The following SLX4IP variants were observed in gnomAD, a reference collection of about 807,000 sequenced individuals.
SLX4IP encodes protein SLX4IP.
In SLX4IP, 34 loss-of-function variants were observed where a neutral mutation model predicts 32.9. The ratio of observed to expected loss-of-function variants is 1.03; its 90% CI spans 0.79 to 1.38. The LOEUF is 1.38. Ranked by LOEUF, SLX4IP falls within the 40% of genes most tolerant of loss-of-function variation. The probability of loss-of-function intolerance (pLI) is 0.00; values close to 1 mark genes in which losing one functional copy is unlikely to be tolerated. For missense variants in SLX4IP, 444 were observed against 479.0 expected, an observed-to-expected ratio of 0.93 and a Z score of 0.68; for synonymous variants, 172 against 171.7, an observed-to-expected ratio of 1.00 and a Z score of -0.01.
chr20:10,454,144 C>T (rs1203766998), intron 1 of SLX4IP, among the ~76,000 whole-genome samples: 2 of 152,042 alleles, frequency 1.3e-5, no homozygotes, highest in Non-Finnish European at 2.9e-5. Flanking sequence ...ATAATTTAAT[C>T]TTGCCTTAGG....
intron 7 of SLX4IP, among the ~76,000 whole-genome samples, chr20:10,621,636 T>A (rs1247991244): frequency 1.3e-5 from 2 of 152,156 alleles, no homozygotes; most frequent in Non-Finnish European, 2.9e-5. Context: ...GACACGTTCT[T>A]TGAAGATGAA....
intron 1 of SLX4IP, among the ~76,000 whole-genome samples, chr20:10,443,538 A>T (rs1600875932): frequency 6.6e-6 from 1 of 152,208 alleles, no homozygotes; most frequent in African/African-American, 2.4e-5. Flanking sequence ...AGGAGAGGAC[A>T]TTCCACAGTG....
intron 2 of SLX4IP, among the ~76,000 whole-genome samples, chr20:10,550,877 C>G (rs368040750): frequency 1.1e-4 from 16 of 152,324 alleles, no homozygotes; most frequent in African/African-American, 3.4e-4. Flanking sequence ...TCACTCCGCT[C>G]CCTCTGGTAC....
rs200301106 is a variant in SLX4IP at position 10,613,788 on chromosome 20, A to T, written c.406-7526A>T. The T allele has an allele frequency of 4.7e-4, 765 of 1,613,652 alleles. 1 individual carries two copies. Among genetic ancestry groups the T allele is most frequent in the Non-Finnish European group, 5.0e-4 (584 of 1,179,684 alleles). On this transcript the variant is annotated intron_variant, in intron 6 of 7. Transcript: ENST00000334534. ...CTGCACGCAAAGCACAGACTCCATG[A>T]TCTGATCCATGTCACCCTTGAAGTC...
chr20:10,592,622 CTTTTTTTTTTTTTTTT>C (rs33995611), intron 4 of SLX4IP, among the ~76,000 whole-genome samples: 5 of 55,136 alleles, frequency 9.1e-5, no homozygotes, highest in Non-Finnish European at 1.5e-4. Flanking sequence ...TATTCTTCAT[CTTTTTTTTTTTTTTTT>C]TTTTTTTTTT....
chr20:10,471,644 C>T (rs1034333046), intron 2 of SLX4IP, among the ~76,000 whole-genome samples: 2 of 152,312 alleles, frequency 1.3e-5, no homozygotes, highest in African/African-American at 4.8e-5. Flanking sequence ...AGGGGCAAGT[C>T]AGCTAGCCTC....
chr20:10,520,302 A>G (rs931843466), intron 2 of SLX4IP, among the ~76,000 whole-genome samples: 1 of 151,982 alleles, frequency 6.6e-6, no homozygotes, highest in African/African-American at 2.4e-5. Flanking sequence ...CGCCCGCCTC[A>G]GCCTCCCAAA....
intron 2 of SLX4IP, among the ~76,000 whole-genome samples, chr20:10,508,585 A>G (rs1324935411): frequency 2.0e-5 from 3 of 152,114 alleles, no homozygotes; most frequent in African/African-American, 4.8e-5. Flanking sequence ...ATATCCATTC[A>G]TGCTCCCGGG....
rs935351102 is a variant in SLX4IP, at chr20:10,566,583, A to G, written c.238+5763A>G. 5.3e-5 allele frequency among the ~76,000 whole-genome samples: 8 copies of G among 152,120 alleles called. No individual in the cohort carries two copies. The East Asian group carries it at 1.2e-3, about 22-fold the overall frequency. ...ACCATGTATCTGGCCAAGGTAGCAC[A>G]TGTTCTGCTGGTCGGAGCCTATATT... On this transcript the variant is annotated intron_variant, in intron 4 of 7. Transcript: ENST00000334534.
intron 2 of SLX4IP, among the ~76,000 whole-genome samples, chr20:10,538,150 C>T (rs2066065907): frequency 6.6e-6 from 1 of 152,166 alleles, no homozygotes; most frequent in South Asian, 2.1e-4. Context: ...GGATGAGCAG[C>T]ATCCACACTC....
At chr20:10,520,297 G>A (rs1463623556) in intron 2 of SLX4IP, among the ~76,000 whole-genome samples, 2 of 151,954 alleles carry the variant, frequency 1.3e-5, no homozygotes, top group Non-Finnish European at 1.5e-5. Flanking sequence ...TGATCCGCCC[G>A]CCTCAGCCTC....
At chr20:10,445,038 TC>T (rs2065190481) in intron 1 of SLX4IP, among the ~76,000 whole-genome samples, 1 of 152,184 alleles carries the variant, frequency 6.6e-6, no homozygotes, top group African/African-American at 2.4e-5. Context: ...AGATTCTCCG[TC>T]AATTCTTCTG....
intron 4 of SLX4IP, among the ~76,000 whole-genome samples, chr20:10,572,871 G>A (rs930291460): frequency 6.6e-6 from 1 of 152,080 alleles, no homozygotes; most frequent in Non-Finnish European, 1.5e-5. Flanking sequence ...CTCTCTCTTC[G>A]TCAACACTCA....
chr20:10,512,778 C>CTATATATATA (rs57942782), intron 2 of SLX4IP, among the ~76,000 whole-genome samples: 770 of 24,362 alleles, frequency 0.032, 28 homozygotes, highest in African/African-American at 0.051. Context: ...CACACACACT[C>CTATATATATA]TATATATATA....
chr20:10,501,348 C>A (rs765827772), intron 2 of SLX4IP, among the ~76,000 whole-genome samples: 1 of 152,056 alleles, frequency 6.6e-6, no homozygotes, highest in Non-Finnish European at 1.5e-5. Flanking sequence ...CCCCTCCCCC[C>A]ACAGTCTATC....
intron 2 of SLX4IP, among the ~76,000 whole-genome samples, chr20:10,540,873 A>G (rs145255102): frequency 6.6e-5 from 10 of 152,300 alleles, no homozygotes; most frequent in African/African-American, 2.2e-4. Flanking sequence ...TCCCATTTCA[A>G]TTTCCTGCCT....
At chr20:10,440,613 T>A (rs1433456848) in intron 1 of SLX4IP, among the ~76,000 whole-genome samples, 1 of 152,214 alleles carries the variant, frequency 6.6e-6, no homozygotes, top group Non-Finnish European at 1.5e-5. Context: ...TTCCATCAGC[T>A]CCTTCCTCCC....
chr20:10,586,313 C>T (rs564671690), intron 4 of SLX4IP, among the ~76,000 whole-genome samples: 1 of 152,318 alleles, frequency 6.6e-6, no homozygotes, highest in Admixed American at 6.5e-5. Flanking sequence ...GCAGTATGGG[C>T]AGGGGGCTTT....
intron 2 of SLX4IP, among the ~76,000 whole-genome samples, chr20:10,516,600 C>T (rs1434196168): frequency 6.6e-6 from 1 of 152,186 alleles, no homozygotes; most frequent in Non-Finnish European, 1.5e-5. Flanking sequence ...AGATTCATTG[C>T]TTTATAGCCC....
Sources: gnomAD v4.1 joint callset for allele counts (sites outside exome capture counted in the v4.1 genomes callset) on GRCh38, gnomAD v4.1.1 for gene constraint, MANE v1.5 for transcripts, NCBI Gene and HGNC (gene_info 2026-07-23, HGNC 2026-07-21) for gene names.